ZBBX: variants seen among roughly 807,000 people sequenced by gnomAD.
ZBBX encodes the protein zinc finger B-box domain containing.
In ZBBX, 101 loss-of-function variants were observed where a neutral mutation model predicts 108.5. That is an observed-to-expected ratio of 0.93 (90% CI 0.79 to 1.10). ZBBX has a LOEUF of 1.10. Ranked by LOEUF, ZBBX falls within the 50% of genes least tolerant of loss-of-function variation. The probability of loss-of-function intolerance (pLI) is 0.00; values close to 1 mark genes in which losing one functional copy is unlikely to be tolerated. For missense variants in ZBBX, 1,009 were observed against 941.4 expected (o/e 1.07, Z -0.94); for synonymous variants, 356 against 323.4 (o/e 1.10, Z -1.08).
At chr3:167,382,070 C>T (rs1035920887), upstream of ZBBX, among the ~76,000 whole-genome samples, 3 of 151,938 alleles carry the variant, frequency 2.0e-5, no homozygotes, top group African/African-American at 7.3e-5. Flanking sequence ...ACTTTTACTC[C>T]AAAAAATGAT....
intron 9 of ZBBX, among the ~76,000 whole-genome samples, 167 bp downstream of exon 9, chr3:167,350,253 T>G (rs1467663050): frequency 6.6e-6 from 1 of 152,044 alleles, no homozygotes; most frequent in Non-Finnish European, 1.5e-5. Context: ...AGATTAGTAT[T>G]CAATAAAATA....
chr3:167,236,488 T>C (rs1396023172), downstream of ZBBX, among the ~76,000 whole-genome samples: 3 of 151,838 alleles, frequency 2.0e-5, no homozygotes, highest in Non-Finnish European at 4.4e-5. Flanking sequence ...TTCAACAACG[T>C]TCCTTTGAGC....
At chr3:167,191,930 T>TAGAGAG in the ZBBX span, among the ~76,000 whole-genome samples, 9 of 127,260 alleles carry the variant, frequency 7.1e-5, no homozygotes, top group African/African-American at 2.3e-4. Context: ...TATATATATA[T>TAGAGAG]ATATAGAGCA....
chr3:167,290,493 G>T (rs1199957323), intron 18 of ZBBX, among the ~76,000 whole-genome samples: 1 of 152,158 alleles, frequency 6.6e-6, no homozygotes, highest in Non-Finnish European at 1.5e-5. Context: ...CTAACAAACA[G>T]AAAGGAATAG....
the ZBBX span, among the ~76,000 whole-genome samples, chr3:167,202,384 A>G: frequency 6.6e-6 from 1 of 152,196 alleles, no homozygotes; most frequent in African/African-American, 2.4e-5. Flanking sequence ...TGCAAACTTC[A>G]TTAGAGTTTA....
chr3:167,231,652 G>T, the ZBBX span, among the ~76,000 whole-genome samples: 2 of 151,790 alleles, frequency 1.3e-5, no homozygotes, highest in Admixed American at 1.3e-4. Context: ...ATTATTCAAA[G>T]AAATCTATTT....
At chr3:167,367,837 T>A (rs562991817) in intron 5 of ZBBX, among the ~76,000 whole-genome samples, 1 of 150,940 alleles carries the variant, frequency 6.6e-6, no homozygotes, top group South Asian at 2.1e-4. Flanking sequence ...AAACAACAAA[T>A]TCAGTATAAT....
At chr3:167,293,143 C>T (rs1303625694) in intron 18 of ZBBX, among the ~76,000 whole-genome samples, 2 of 152,152 alleles carry the variant, frequency 1.3e-5, no homozygotes, top group East Asian at 3.9e-4. Context: ...TGGTACCATT[C>T]CTTCTGAAAC....
the ZBBX span, among the ~76,000 whole-genome samples, chr3:167,191,977 C>CA: frequency 4.5e-3 from 546 of 121,130 alleles, 13 homozygotes; most frequent in African/African-American, 0.016. Context: ...TCTTAGATAA[C>CA]AAAAAAAACC....
At chr3:167,387,278 TGAAAAATATAGGCTA>T (rs1560214477) in intron 1 of ZBBX, among the ~76,000 whole-genome samples, 2 of 151,994 alleles carry the variant, frequency 1.3e-5, no homozygotes, top group Admixed American at 1.3e-4. Context: ...TCTGTACTTG[TGAAAAATATAGGCTA>T]GATGAGGGAC....
rs1000964760 is a variant in ZBBX at position 167,323,713 on chromosome 3, T to C, written c.863-1476A>G. Among the ~76,000 whole-genome samples, 99 of 152,140 alleles carry C rather than the reference T, an allele frequency of 6.5e-4. 1 individual carries two copies. The highest frequency in any genetic ancestry group is 3.4e-4 in the Non-Finnish European group (23 of 68,010). On this transcript the variant is annotated intron_variant, in intron 11 of 21. Coordinates refer to ENST00000675490, the MANE Select transcript of ZBBX (RefSeq NM_001199201.2). ...CTCCATCCTCAAATTGATGGGATCATGGGTGTTTTCCTTAATAGATAGTGC... is the reference window on the plus strand; with the variant it reads ...CTCCATCCTCAAATTGATGGGATCACGGGTGTTTTCCTTAATAGATAGTGC...
intron 5 of ZBBX, among the ~76,000 whole-genome samples, 178 bp from the exon 6 acceptor site, chr3:167,366,154 T>C (rs1399469369): frequency 6.6e-6 from 1 of 151,860 alleles, no homozygotes; most frequent in Non-Finnish European, 1.5e-5. Flanking sequence ...AATTTTAAAA[T>C]GTAGCTTTAT....
chr3:167,225,650 T>A, the ZBBX span, among the ~76,000 whole-genome samples: 2 of 151,764 alleles, frequency 1.3e-5, no homozygotes. Flanking sequence ...TTTCTCTATA[T>A]ACTATGCATC....
intron 13 of ZBBX, 82 bp downstream of exon 13, chr3:167,317,406 C>T: frequency 1.8e-6 from 2 of 1,104,594 alleles, no homozygotes; most frequent in Non-Finnish European, 2.6e-6. Flanking sequence ...TAAAGAAAAC[C>T]AAAAGCAGAT....
chr3:167,328,634 C>T (rs901051524), intron 10 of ZBBX, among the ~76,000 whole-genome samples: 5 of 152,152 alleles, frequency 3.3e-5, no homozygotes, highest in African/African-American at 1.2e-4. Context: ...TCCTTCCATT[C>T]TCCTTTCATT....
the ZBBX span, among the ~76,000 whole-genome samples, chr3:167,200,859 C>T: frequency 6.6e-6 from 1 of 152,048 alleles, no homozygotes; most frequent in Non-Finnish European, 1.5e-5. Flanking sequence ...ATTGACATCC[C>T]ACCCATTTGG....
intron 9 of ZBBX, among the ~76,000 whole-genome samples, chr3:167,334,246 A>G (rs1314310398): frequency 6.6e-6 from 1 of 151,794 alleles, no homozygotes; most frequent in East Asian, 1.9e-4. Context: ...ATTCTAAAAC[A>G]TAAATATTTT....
At chr3:167,279,043 T>C (rs1728247729) in intron 20 of ZBBX, among the ~76,000 whole-genome samples, 1 of 151,728 alleles carries the variant, frequency 6.6e-6, no homozygotes, top group Non-Finnish European at 1.5e-5. Context: ...TTTGACAAAA[T>C]CCAACAACCC....
intron 20 of ZBBX, among the ~76,000 whole-genome samples, chr3:167,252,712 A>G (rs575566091): frequency 6.6e-6 from 1 of 152,326 alleles, no homozygotes; most frequent in East Asian, 1.9e-4. Context: ...GTATATAAAA[A>G]GTTATGTGTT....
Sources: allele counts gnomAD v4.1 joint callset (sites outside exome capture counted in the v4.1 genomes callset), GRCh38; gene constraint gnomAD v4.1.1; transcripts MANE v1.5; gene names NCBI Gene and HGNC (gene_info 2026-07-23, HGNC 2026-07-21).